RAP1GAP2: variants seen among roughly 807,000 people sequenced by gnomAD.
RAP1GAP2 encodes RAP1 GTPase activating protein 2, also known as rap1 GTPase-activating protein 2.
Under a neutral mutation model 95.0 loss-of-function variants are expected in RAP1GAP2, and 27 were observed. The observed-to-expected ratio is 0.28, with a 90% confidence interval of 0.21 to 0.39. The LOEUF is 0.39. Ranked by LOEUF, RAP1GAP2 falls within the 10% of genes least tolerant of loss-of-function variation. RAP1GAP2 has a pLI of 1.00. For missense variants in RAP1GAP2, 771 were observed against 970.0 expected, an observed-to-expected ratio of 0.79 and a Z score of 2.72; for synonymous variants, 373 against 380.9, an observed-to-expected ratio of 0.98 and a Z score of 0.24.
At chr17:2,833,689 C>CAA (rs112909808) in intron 2 of RAP1GAP2, among the ~76,000 whole-genome samples, 241 of 52,780 alleles carry the variant, frequency 4.6e-3, no homozygotes, top group East Asian at 0.014. Context: ...GACTCCGTCT[C>CAA]AAAAAAAAAA....
upstream of RAP1GAP2, among the ~76,000 whole-genome samples, chr17:2,793,974 G>A (rs764382091): frequency 9.9e-5 from 15 of 151,706 alleles, no homozygotes; most frequent in Middle Eastern, 3.4e-3. Flanking sequence ...GGTGGCGGGC[G>A]CCTGTAAACA....
intron 1 of RAP1GAP2, among the ~76,000 whole-genome samples, chr17:2,763,211 C>T (rs1377529327): frequency 1.3e-5 from 2 of 152,116 alleles, no homozygotes; most frequent in Non-Finnish European, 2.9e-5. Context: ...CAGAGCATTC[C>T]GAGGATGTAG....
chr17:3,015,361 A>G lies in RAP1GAP2; in HGVS notation c.1495-2700A>G, dbSNP rs369632784. On this transcript the variant is annotated intron_variant, in intron 17 of 24. Transcript: ENST00000254695. ...TTACAAATGGCCCTCCTGAGTCTGCATCCCTTGTCAGGATAGAAAAGCAGG... is the reference window on the plus strand; with the variant it reads ...TTACAAATGGCCCTCCTGAGTCTGCGTCCCTTGTCAGGATAGAAAAGCAGG... 4.9e-4 allele frequency among the ~76,000 whole-genome samples: 74 copies of G among 152,272 alleles called. 1 individual carries two copies. Among genetic ancestry groups the G allele is most frequent in the African/African-American group, 1.8e-3 (73 of 41,558 alleles).
At chr17:3,017,001 TC>T (rs1452948580) in intron 17 of RAP1GAP2, among the ~76,000 whole-genome samples, 1 of 152,056 alleles carries the variant, frequency 6.6e-6, no homozygotes, top group Non-Finnish European at 1.5e-5. Flanking sequence ...AACCTTCTCT[TC>T]CTAGAATTCT....
chr17:2,871,666 G>A lies in RAP1GAP2; in HGVS notation c.81-33618G>A, dbSNP rs1181773280. Among the ~76,000 whole-genome samples the A allele has an allele frequency of 6.6e-6, 1 of 152,152 alleles. No homozygotes were observed. Among genetic ancestry groups the A allele is most frequent in the African/African-American group, 2.4e-5 (1 of 41,450 alleles). ...CCCTCACCTTCATGCTGATTTCATTGGGGTTCAATTGGTACCATCCCATGG... is the reference window on the plus strand; with the variant it reads ...CCCTCACCTTCATGCTGATTTCATTAGGGTTCAATTGGTACCATCCCATGG... On this transcript the variant is annotated intron_variant, in intron 2 of 24. Coordinates refer to ENST00000254695, the MANE Select transcript of RAP1GAP2 (RefSeq NM_015085.5). The surrounding 1 kb of genome is among the most constrained non-coding windows in gnomAD (Gnocchi z 5.0).
At chr17:2,758,668 C>T (rs894732902) in intron 1 of RAP1GAP2, among the ~76,000 whole-genome samples, 1 of 152,134 alleles carries the variant, frequency 6.6e-6, no homozygotes. Flanking sequence ...AGCTGTGGCC[C>T]CTGGATCTAG....
chr17:2,844,478 T>C (rs974627596), intron 2 of RAP1GAP2, among the ~76,000 whole-genome samples: 25 of 152,252 alleles, frequency 1.6e-4, no homozygotes, highest in African/African-American at 2.9e-4. Flanking sequence ...ATTTTCCTTA[T>C]GGAAAGGGGG....
intron 22 of RAP1GAP2, 62 bp from the exon 23 acceptor site, chr17:3,030,860 C>T (rs1156663747): frequency 2.4e-5 from 35 of 1,480,844 alleles, no homozygotes; most frequent in Non-Finnish European, 3.1e-5. Flanking sequence ...AGCCAGTCCC[C>T]ACACACAGCC....
At chr17:2,765,794 C>A (rs777827460) in intron 1 of RAP1GAP2, among the ~76,000 whole-genome samples, 10 of 151,714 alleles carry the variant, frequency 6.6e-5, no homozygotes, top group Non-Finnish European at 1.5e-4. Flanking sequence ...TGGTGAAACC[C>A]CCTCTCTACT....
chr17:3,026,647 CCTCT>C (rs543644113), intron 21 of RAP1GAP2, among the ~76,000 whole-genome samples, 183 bp downstream of exon 21: 241 of 152,302 alleles, frequency 1.6e-3, no homozygotes, highest in Non-Finnish European at 2.7e-3. Context: ...GGTGAGGGGA[CCTCT>C]CTCTCAGAGT....
intron 10 of RAP1GAP2, among the ~76,000 whole-genome samples, chr17:2,984,126 G>A (rs1245235350): frequency 3.3e-5 from 5 of 152,158 alleles, no homozygotes; most frequent in African/African-American, 7.2e-5. Context: ...TGAGGCAGGC[G>A]GATCACAAGG....
chr17:2,998,110 A>G lies in RAP1GAP2; in HGVS notation c.1045-111A>G, dbSNP rs903521288. The G allele has an allele frequency of 4.1e-6, 5 of 1,226,736 alleles. No homozygotes were observed. In the African/African-American group the frequency reaches 7.5e-5, roughly 19 times the overall value. The allele number at this position is 1,226,736 out of a possible 1,614,324, so 76.0% of individuals were successfully genotyped here. ...AAAACAACAACCACGAACTCTTCTC[A>G]CTCAGAATTCAGTTTTCCTGTGTGC... On this transcript the variant is annotated intron_variant, in intron 13 of 24. Transcript: ENST00000254695.
chr17:3,018,218 G>T lies in RAP1GAP2; in HGVS notation c.1632+20G>T. Reference sequence around the variant, plus strand: ...TTCTCGGTGAGTGCTGGCAGGCCCCGGGGCGGCAAGTGGGTCCCAGGGAGG... The same window carrying T: ...TTCTCGGTGAGTGCTGGCAGGCCCCTGGGCGGCAAGTGGGTCCCAGGGAGG... On this transcript the variant is annotated intron_variant, in intron 18 of 24. Coordinates refer to ENST00000254695, the MANE Select transcript of RAP1GAP2 (RefSeq NM_015085.5). The T allele has an allele frequency of 6.5e-7, 1 of 1,544,442 alleles. No homozygotes were observed.
At chr17:2,795,215 T>C (rs2069039670), upstream of RAP1GAP2, among the ~76,000 whole-genome samples, 1 of 151,844 alleles carries the variant, frequency 6.6e-6, no homozygotes, top group South Asian at 2.1e-4. Context: ...AGACGTTTTC[T>C]TCCCTTTCTC....
In RAP1GAP2 at chr17:3,034,896, C is replaced by T. The variant is rs1389941851; in HGVS notation, c.*1535C>T. The T allele has an allele frequency of 6.6e-6, 1 of 152,194 alleles. No individual in the cohort carries two copies. The highest frequency in any genetic ancestry group is 1.5e-5 in the Non-Finnish European group (1 of 68,066). The allele number at this position is 152,194 out of a possible 1,614,324, so 9.4% of individuals were successfully genotyped here. A position where few individuals can be genotyped will look rare whatever the true frequency, so the allele number is the denominator to read the frequency against. On this transcript the variant is annotated 3_prime_UTR_variant, in exon 25 of 25. Transcript: ENST00000254695. This position sits in a 1 kb window ranked among gnomAD's most constrained non-coding sequence, Gnocchi z 5.1. ...AGTGACACTGGCTGGGCACCTGCCC[C>T]ACGACCAATGACAAGGATTTCCAGC...
rs146352419 is a variant in RAP1GAP2, at chr17:3,025,919, G to C, written c.1752-89G>C. 1,262 of 976,526 alleles carry C rather than the reference G, an allele frequency of 1.3e-3. 9 individuals are homozygous for C. The African/African-American group carries it at 0.017, about 13-fold the overall frequency. The allele number at this position is 976,526 out of a possible 1,614,324, so 60.5% of individuals were successfully genotyped here. A position where few individuals can be genotyped will look rare whatever the true frequency, so the allele number is the denominator to read the frequency against. ...CGCTCTGACCCCACTGCCCCTCACC[G>C]TGCCGAGAGAGGCTCTGCCTGGGGC... is the stretch of plus-strand genomic sequence containing the variant. On this transcript the variant is annotated intron_variant, in intron 19 of 24. Transcript: ENST00000254695.
At chr17:2,822,024 G>T (rs1597374046) in intron 2 of RAP1GAP2, among the ~76,000 whole-genome samples, 1 of 152,154 alleles carries the variant, frequency 6.6e-6, no homozygotes, top group African/African-American at 2.4e-5. Context: ...TGCTGAGGAG[G>T]AGGAGGCGGC....
rs538523046 is a variant in RAP1GAP2 at position 2,876,062 on chromosome 17, C to T, written c.81-29222C>T. Among the ~76,000 whole-genome samples, 948 of 151,908 alleles carry T rather than the reference C, an allele frequency of 6.2e-3. 13 individuals are homozygous for T. The highest frequency in any genetic ancestry group is 0.021 in the African/African-American group (866 of 41,414). On this transcript the variant is annotated intron_variant, in intron 2 of 24. Transcript: ENST00000254695. ...ACGCCATTCTCCTGCCTCAGCCTCCCGAGTGGCTGGGACTACAGGCACCCG... is the reference window on the plus strand; with the variant it reads ...ACGCCATTCTCCTGCCTCAGCCTCCTGAGTGGCTGGGACTACAGGCACCCG...
intron 22 of RAP1GAP2, among the ~76,000 whole-genome samples, 162 bp from the exon 23 acceptor site, chr17:3,030,760 T>C (rs1488275010): frequency 6.6e-6 from 1 of 152,156 alleles, no homozygotes; most frequent in East Asian, 1.9e-4. Context: ...AATTCTATAA[T>C]CTAGGAGTTG....
Sources: allele counts gnomAD v4.1 joint callset (sites outside exome capture counted in the v4.1 genomes callset), GRCh38; gene constraint gnomAD v4.1.1; non-coding constraint Gnocchi (gnomAD v3.1); transcripts MANE v1.5; gene names NCBI Gene and HGNC (gene_info 2026-07-23, HGNC 2026-07-21).